Variants in SHOC1 observed in about 807,000 individuals in gnomAD.
SHOC1 encodes protein shortage in chiasmata 1 ortholog.
A neutral mutation model predicts 179.2 loss-of-function variants in SHOC1; 136 were observed. The observed-to-expected ratio is 0.76, with a 90% CI of 0.66 to 0.87. The LOEUF is 0.87. Ranked by LOEUF, SHOC1 falls within the 40% of genes least tolerant of loss-of-function variation. The pLI is 0.00. For synonymous variants in SHOC1, 489 were observed against 586.6 expected (o/e 0.83, Z 2.41); for missense variants, 1,538 against 1,700.8 (o/e 0.90, Z 1.68).
chr9:111,726,791 A>C (rs1337582), intron 13 of SHOC1, among the ~76,000 whole-genome samples: 1 of 152,006 alleles, frequency 6.6e-6, no homozygotes, highest in African/African-American at 2.4e-5. Context: ...ACAGATCAAA[A>C]ATGACAATAG....
chr9:111,779,483 A>G (rs1835956527), intron 4 of SHOC1, among the ~76,000 whole-genome samples: 1 of 152,208 alleles, frequency 6.6e-6, no homozygotes, highest in Non-Finnish European at 1.5e-5. Context: ...CACTTATTGC[A>G]TATTCCTGTG....
intron 12 of SHOC1, among the ~76,000 whole-genome samples, chr9:111,732,752 G>T (rs988406035): frequency 6.6e-6 from 1 of 152,150 alleles, no homozygotes. Flanking sequence ...CAAGGACCAG[G>T]GGGGTAGGTT....
chr9:111,706,665 G>A lies in SHOC1; in HGVS notation c.2640C>T (p.Tyr880=). 1 of 1,608,344 alleles carries A rather than the reference G, an allele frequency of 6.2e-7. No homozygotes were observed. The highest frequency in any genetic ancestry group is 8.5e-7 in the Non-Finnish European group (1 of 1,176,248). ...TCCAACAAGAGTCTTCCACATAATTGTATTCCACCACAAATGAGAAATTAC... is the reference window on the plus strand; with the variant it reads ...TCCAACAAGAGTCTTCCACATAATTATATTCCACCACAAATGAGAAATTAC... ...PWSNFSFVVE[Y]NYVEDSCWTK... Residue 880 remains tyrosine (Y), a synonymous_variant, in exon 20 of 28, where the codon TAC becomes TAT. Coordinates refer to ENST00000682961, the MANE Select transcript of SHOC1 (RefSeq NM_001378211.1).
chr9:111,760,123 A>C (rs779991690), intron 5 of SHOC1, among the ~76,000 whole-genome samples: 7 of 152,200 alleles, frequency 4.6e-5, no homozygotes, highest in Non-Finnish European at 8.8e-5. Flanking sequence ...CTGCTTCTAA[A>C]CAGATCCTCC....
chr9:111,739,311 C>T (rs1006261174), intron 11 of SHOC1, among the ~76,000 whole-genome samples: 1 of 151,980 alleles, frequency 6.6e-6, no homozygotes, highest in African/African-American at 2.4e-5. Context: ...TAAAGTATAA[C>T]TGACATGCAA....
chr9:111,718,333 A>T (rs1832890565), intron 15 of SHOC1, 45 bp from the exon 16 acceptor site: 3 of 1,255,532 alleles, frequency 2.4e-6, no homozygotes, highest in Non-Finnish European at 3.3e-6. Context: ...TATACATTAC[A>T]GTTTTAGAAT....
intron 2 of SHOC1, among the ~76,000 whole-genome samples, chr9:111,788,741 C>A (rs1314924309): frequency 6.6e-6 from 1 of 152,124 alleles, no homozygotes; most frequent in Non-Finnish European, 1.5e-5. Flanking sequence ...TTGTTACAAC[C>A]AGCAAATTCA....
intron 8 of SHOC1, among the ~76,000 whole-genome samples, chr9:111,753,540 A>C: frequency 6.6e-6 from 1 of 152,336 alleles, no homozygotes; most frequent in Middle Eastern, 3.4e-3. Flanking sequence ...AGAATTCTAA[A>C]AAAATTAAAA....
In SHOC1 at chr9:111,705,836, A is replaced by G. The variant is rs796339275; in HGVS notation, c.2738-472T>C. ...ACATTTTACAGATCAATAAGAAAAG[A>G]ATAAATACCTCAATAGATACATGGT... is the stretch of plus-strand genomic sequence containing the variant. On this transcript the variant is annotated intron_variant, in intron 20 of 27. Transcript: ENST00000682961. 1.1e-4 allele frequency among the ~76,000 whole-genome samples: 16 copies of G among 152,176 alleles called. No individual in the cohort carries two copies. In the South Asian group the frequency reaches 3.3e-3, roughly 32 times the overall value.
Position 111,719,148 on chromosome 9 carries a change from T to C in SHOC1, c.2132-860A>G, listed in dbSNP as rs1832927211. Among the ~76,000 whole-genome samples, 3 of 152,082 alleles carry C rather than the reference T, an allele frequency of 2.0e-5. No individual in the cohort carries two copies. The South Asian group carries it at 6.2e-4, about 32-fold the overall frequency. On this transcript the variant is annotated intron_variant, in intron 15 of 27. Coordinates refer to ENST00000682961, the MANE Select transcript of SHOC1 (RefSeq NM_001378211.1). Reference sequence around the variant, plus strand: ...CAAGTCAATCATGACCTGCAAGAGATGAGAATAGGGCAGAGAAAACATATT... The same window carrying C: ...CAAGTCAATCATGACCTGCAAGAGACGAGAATAGGGCAGAGAAAACATATT...
At chr9:111,766,840 G>A (rs1835378348) in intron 5 of SHOC1, among the ~76,000 whole-genome samples, 1 of 152,088 alleles carries the variant, frequency 6.6e-6, no homozygotes, top group African/African-American at 2.4e-5. Flanking sequence ...TCAAATGCCT[G>A]ACTTCAGGTG....
chr9:111,737,505 A>G (rs1275537091), intron 12 of SHOC1, among the ~76,000 whole-genome samples: 2 of 151,938 alleles, frequency 1.3e-5, no homozygotes, highest in Non-Finnish European at 2.9e-5. Context: ...CATCTCTACT[A>G]AAAATAGTGG....
At chr9:111,733,405 G>T (rs928841607) in intron 12 of SHOC1, among the ~76,000 whole-genome samples, 11 of 152,142 alleles carry the variant, frequency 7.2e-5, no homozygotes, top group Admixed American at 6.6e-4. Flanking sequence ...GACTCAATTT[G>T]TAAGTCCTGG....
chr9:111,705,409 TC>T, intron 20 of SHOC1, 45 bp from the exon 21 acceptor site: 2 of 894,954 alleles, frequency 2.2e-6, no homozygotes, highest in Non-Finnish European at 3.2e-6. Context: ...TATTCTCATC[TC>T]CCAGCTCTTT....
Position 111,782,143 on chromosome 9 carries a change from C to T in SHOC1, c.170-1126G>A, listed in dbSNP as rs571039347. ...AGGAGAATGGCATGAACCCGGGAGGCGGAGCTTGCAGTGAGCCAAGATAGC... is the reference window on the plus strand; with the variant it reads ...AGGAGAATGGCATGAACCCGGGAGGTGGAGCTTGCAGTGAGCCAAGATAGC... On this transcript the variant is annotated intron_variant, in intron 3 of 27. Coordinates refer to ENST00000682961, the MANE Select transcript of SHOC1 (RefSeq NM_001378211.1). Among the ~76,000 whole-genome samples the T allele has an allele frequency of 1.5e-4, 23 of 152,184 alleles. No individual in the cohort carries two copies. In the East Asian group the frequency reaches 4.4e-3, roughly 29 times the overall value.
Position 111,686,860 on chromosome 9 carries a change from G to A in SHOC1, c.4437C>T (p.Cys1479=). The A allele has an allele frequency of 6.2e-7, 1 of 1,608,702 alleles. No homozygotes were observed. Among genetic ancestry groups the A allele is most frequent in the Non-Finnish European group, 8.5e-7 (1 of 1,176,270 alleles). Residue 1479 remains cysteine, a synonymous_variant, in exon 28 of 28, where the codon TGC becomes TGT. Transcript: ENST00000682961. ...GDKESLTGFM[C]SQLPQFKKRR... ...GTTTTTTGAATTGTGGTAGTTGTGA[G>A]CACATAAAACCTGTTAAAAGGAGAA...
chr9:111,718,064 G>A (rs1169850402), intron 16 of SHOC1, 120 bp downstream of exon 16: 4 of 622,358 alleles, frequency 6.4e-6, no homozygotes, highest in Non-Finnish European at 1.1e-5. Flanking sequence ...GTAATGCTTA[G>A]TATAATAGAA....
intron 10 of SHOC1, among the ~76,000 whole-genome samples, chr9:111,742,685 C>A (rs934922766): frequency 6.6e-5 from 10 of 152,052 alleles, no homozygotes; most frequent in African/African-American, 2.4e-4. Flanking sequence ...TATGAGCATG[C>A]TAATTATAAG....
At chr9:111,782,773 A>C (rs1041461741) in intron 3 of SHOC1, among the ~76,000 whole-genome samples, 1 of 152,202 alleles carries the variant, frequency 6.6e-6, no homozygotes, top group Non-Finnish European at 1.5e-5. Flanking sequence ...CTTGCTCTTT[A>C]AGACAGCTAA....
Sources: gnomAD v4.1 joint callset for allele counts (sites outside exome capture counted in the v4.1 genomes callset) on GRCh38, gnomAD v4.1.1 for gene constraint, MANE v1.5 for transcripts, NCBI Gene and HGNC (gene_info 2026-07-23, HGNC 2026-07-21) for gene names.